NPRL2: variants seen among roughly 807,000 people sequenced by gnomAD.
NPRL2 encodes GATOR1 complex protein NPRL2.
A neutral mutation model predicts 51.1 loss-of-function variants in NPRL2; 21 were observed. The ratio of observed to expected loss-of-function variants is 0.41; its 90% confidence interval spans 0.29 to 0.59. NPRL2 has a LOEUF of 0.59. Among genes scored for constraint, NPRL2 ranks in the 20% least tolerant of loss-of-function variants. The pLI, the probability that NPRL2 is intolerant of heterozygous loss-of-function variation, is 0.29. For missense variants in NPRL2, 376 were observed against 483.4 expected, an observed-to-expected ratio of 0.78 and a Z score of 2.08; for synonymous variants, 175 against 187.8, an observed-to-expected ratio of 0.93 and a Z score of 0.56.
In NPRL2 at chr3:50,350,200, T is replaced by A; in HGVS notation, c.79-178A>T. ...AAACATACGCTATGATCTCACCTCC[T>A]TCCTGGCTTCTGCATATGCTGTTCC... On this transcript the variant is annotated intron_variant, in intron 1 of 10. Transcript: ENST00000232501. The surrounding 1 kb of genome is among the most constrained non-coding windows in gnomAD (Gnocchi z 5.7). 3.3e-6 allele frequency: 2 copies of A among 611,956 alleles called. No individual in the cohort carries two copies. Among genetic ancestry groups the A allele is most frequent in the Non-Finnish European group, 2.9e-6 (1 of 345,914 alleles). The allele number at this position is 611,956 out of a possible 1,614,324, so 37.9% of individuals were successfully genotyped here.
chr3:50,349,910 C>T lies in NPRL2; in HGVS notation c.170+21G>A. On this transcript the variant is annotated intron_variant, in intron 2 of 10. Coordinates refer to ENST00000232501, the MANE Select transcript of NPRL2 (RefSeq NM_006545.5). The surrounding 1 kb of genome is among the most constrained non-coding windows in gnomAD (Gnocchi z 4.6). The stretch of plus-strand genomic sequence containing the variant: ...GGGACAACCCCTGCCACCCACCGCT[C>T]ACCCCGAGCTAGGGTCTCACACAGT... The T allele has an allele frequency of 6.2e-7, 1 of 1,613,808 alleles. No individual in the cohort carries two copies. The highest frequency in any genetic ancestry group is 1.7e-5 in the Admixed American group (1 of 60,012).
At position 50,349,903 on chromosome 3, in the gene NPRL2, C is replaced by G; in HGVS notation, c.170+28G>C. ...TCCTCCTGGGACAACCCCTGCCACC[C>G]ACCGCTCACCCCGAGCTAGGGTCTC... On this transcript the variant is annotated intron_variant, in intron 2 of 10. Transcript: ENST00000232501. The surrounding 1 kb of genome is among the most constrained non-coding windows in gnomAD (Gnocchi z 4.6). 6.2e-7 allele frequency: 1 copy of G among 1,613,806 alleles called. No homozygotes were observed. Among genetic ancestry groups the G allele is most frequent in the Non-Finnish European group, 8.5e-7 (1 of 1,179,886 alleles).
At position 50,348,266 on chromosome 3, in the gene NPRL2, T is replaced by C. The variant is rs1412113818; in HGVS notation, c.815-25A>G. 1 of 1,613,822 alleles carries C rather than the reference T, an allele frequency of 6.2e-7. No individual in the cohort carries two copies. The highest frequency in any genetic ancestry group is 8.5e-7 in the Non-Finnish European group (1 of 1,179,892). On this transcript the variant is annotated intron_variant, in intron 8 of 10. Transcript: ENST00000232501. The surrounding 1 kb of genome is among the most constrained non-coding windows in gnomAD (Gnocchi z 5.8). ...CCTGTGGGTGCCAGGGATCAGCTCA[T>C]CATGTGGCCCTGCCCTCCCCAAGAT...
Position 50,349,669 on chromosome 3 carries a change from A to T in NPRL2, c.335T>A (p.Leu112Gln), listed in dbSNP as rs1382233406. 1 of 1,612,114 alleles carries T rather than the reference A, an allele frequency of 6.2e-7. No individual in the cohort carries two copies. The highest frequency in any genetic ancestry group is 8.5e-7 in the Non-Finnish European group (1 of 1,178,756). Residue 112 changes from leucine (L) to glutamine (Q), a missense_variant, in exon 3 of 11, where the codon CTA (leucine) becomes CAA (glutamine). Leu to Gln is a moderately radical substitution (Grantham distance 113). Transcript: ENST00000232501. The surrounding 1 kb of genome is among the most constrained non-coding windows in gnomAD (Gnocchi z 4.6). ...CAAGCCCATCTCATTGCAGACCTCT[A>T]GTGTGGTCAGATAGCCAGCCAGCTT... is the stretch of plus-strand genomic sequence containing the variant. The part of the protein sequence containing the change: ...VKKLAGYLTT[L>Q]ELESSFVSME...
In NPRL2 at chr3:50,347,399, CACCAGATGG is replaced by C; in HGVS notation, c.*198_*206del. Reference sequence around the variant, plus strand: ...TTATTTGTCGATTGTCGGTCCTGCCCACCAGATGGCGATCTAGCCCACGGCTCGTGGCTA... The same window carrying C: ...TTATTTGTCGATTGTCGGTCCTGCCCCGATCTAGCCCACGGCTCGTGGCTA... On this transcript the variant is annotated 3_prime_UTR_variant, in exon 11 of 11. Transcript: ENST00000232501. 1 of 429,656 alleles carries C rather than the reference CACCAGATGG, an allele frequency of 2.3e-6. No homozygotes were observed. Among genetic ancestry groups the C allele is most frequent in the South Asian group, 4.3e-5 (1 of 23,088 alleles). 26.6% of individuals were successfully genotyped at this position (429,656 alleles called of 1,614,324 possible).
Position 50,350,453 on chromosome 3 carries a change from C to T in NPRL2, c.78+122G>A. ...TGGGTCTGACTATCCTCTAGCCTCA[C>T]AGTTGTCTGCGAATGAAGCAGCATG... On this transcript the variant is annotated intron_variant, in intron 1 of 10. Coordinates refer to ENST00000232501, the MANE Select transcript of NPRL2 (RefSeq NM_006545.5). This position sits in a 1 kb window ranked among gnomAD's most constrained non-coding sequence, Gnocchi z 5.7. 1 of 1,052,082 alleles carries T rather than the reference C, an allele frequency of 9.5e-7. No homozygotes were observed. Among genetic ancestry groups the T allele is most frequent in the African/African-American group, 1.6e-5 (1 of 63,362 alleles). 65.2% of individuals were successfully genotyped at this position (1,052,082 alleles called of 1,614,324 possible).
Position 50,349,320 on chromosome 3 carries a change from A to T in NPRL2, c.448+66T>A. 1 of 1,391,316 alleles carries T rather than the reference A, an allele frequency of 7.2e-7. No homozygotes were observed. Among genetic ancestry groups the T allele is most frequent in the Non-Finnish European group, 1.0e-6 (1 of 982,154 alleles). 86.2% of individuals were successfully genotyped at this position (1,391,316 alleles called of 1,614,324 possible). ...TTCATGAGTCTTGCCCTTCTCCCTG[A>T]CTAGCTGGGTTCACTTTCCCATCTC... On this transcript the variant is annotated intron_variant, in intron 4 of 10. Transcript: ENST00000232501. The surrounding 1 kb of genome is among the most constrained non-coding windows in gnomAD (Gnocchi z 4.6).
rs1462956773 is a variant in NPRL2, at chr3:50,347,663, G to T, written c.1086C>A (p.Tyr362Ter). 6 of 1,613,974 alleles carry T rather than the reference G, an allele frequency of 3.7e-6. No homozygotes were observed. ...TTTCAAGCCGCTCATCCAGCTCATG[G>T]TAGCTCATGCCTGGGTGGGGTGGTG... ...DEICCKTGMS[Y>*]HELDERLEND... is the part of the protein sequence containing the mutation. The change falls in exon 11 of 11, where the codon TAC becomes TAA. Residue 362 changes from tyrosine (Y) to a stop codon, truncating the protein, a stop_gained. Transcript: ENST00000232501. LOFTEE classifies it high-confidence loss of function.
rs1559856698 is a variant in NPRL2 at position 50,348,936 on chromosome 3, G to A, written c.523C>T (p.Pro175Ser). ...TCCTCCTTGTCTTTGGTAAAGACAGGTACATCATACTCCTGGGCCACCGGA... is the reference window on the plus strand; with the variant it reads ...TCCTCCTTGTCTTTGGTAAAGACAGATACATCATACTCCTGGGCCACCGGA... ...DPPVAQEYDVPVFTKDKEDFF... is the reference protein window; with the variant it reads ...DPPVAQEYDVSVFTKDKEDFF... Residue 175 changes from proline (P) to serine (S), a missense_variant, in exon 5 of 11, where the codon CCT (proline) becomes TCT (serine). Physicochemically the swap from Pro to Ser is moderately conservative, Grantham distance 74 (BLOSUM62 -1). Transcript: ENST00000232501. This position sits in a 1 kb window ranked among gnomAD's most constrained non-coding sequence, Gnocchi z 5.8. The A allele has an allele frequency of 6.2e-7, 1 of 1,614,048 alleles. No homozygotes were observed. Among genetic ancestry groups the A allele is most frequent in the South Asian group, 1.1e-5 (1 of 91,082 alleles).
chr3:50,350,169 G>A lies in NPRL2; in HGVS notation c.79-147C>T. 1 of 655,174 alleles carries A rather than the reference G, an allele frequency of 1.5e-6. No individual in the cohort carries two copies. The highest frequency in any genetic ancestry group is 2.7e-5 in the East Asian group (1 of 37,512). The allele number at this position is 655,174 out of a possible 1,614,324, so 40.6% of individuals were successfully genotyped here. A position where few individuals can be genotyped will look rare whatever the true frequency, so the allele number is the denominator to read the frequency against. On this transcript the variant is annotated intron_variant, in intron 1 of 10. Transcript: ENST00000232501. This position sits in a 1 kb window ranked among gnomAD's most constrained non-coding sequence, Gnocchi z 5.7. ...CCACTCAGGCCTATTACTTCTTTCT[G>A]TTTCCAAACATACGCTATGATCTCA...
In NPRL2 at chr3:50,347,577, G is replaced by A. The variant is rs1703596076; in HGVS notation, c.*29C>T. On this transcript the variant is annotated 3_prime_UTR_variant, in exon 11 of 11. Transcript: ENST00000232501. ...CTCCTAGTAGGAGGGACTACCCACA[G>A]CAATGTGTCCATCCAGTCACTACCA... 6.2e-7 allele frequency: 1 copy of A among 1,613,506 alleles called. No individual in the cohort carries two copies.
chr3:50,348,819 G>A lies in NPRL2; in HGVS notation c.586-37C>T, dbSNP rs759825651. The A allele has an allele frequency of 6.2e-7, 1 of 1,614,024 alleles. No individual in the cohort carries two copies. Among genetic ancestry groups the A allele is most frequent in the East Asian group, 2.2e-5 (1 of 44,882 alleles). ...GGGACAAGGTCAGAAGAAACAGGAT[G>A]AGGCCAGGGCTGTGGCCAGCCCCAG... is the stretch of plus-strand genomic sequence containing the variant. On this transcript the variant is annotated intron_variant, in intron 5 of 10. Coordinates refer to ENST00000232501, the MANE Select transcript of NPRL2 (RefSeq NM_006545.5). This position sits in a 1 kb window ranked among gnomAD's most constrained non-coding sequence, Gnocchi z 5.8.
chr3:50,349,214 A>AC lies in NPRL2; in HGVS notation c.448+171dup. The AC allele has an allele frequency of 3.6e-6, 3 of 829,964 alleles. No individual in the cohort carries two copies. Among genetic ancestry groups the AC allele is most frequent in the South Asian group, 1.7e-5 (1 of 59,148 alleles). 51.4% of individuals were successfully genotyped at this position (829,964 alleles called of 1,614,324 possible). A position where few individuals can be genotyped will look rare whatever the true frequency, so the allele number is the denominator to read the frequency against. ...AGCTGGAGAGCTCTGCTTTCCCCCT[A>AC]CCCCCAGTCCCAGCTCCATCATGCA... On this transcript the variant is annotated intron_variant, in intron 4 of 10. Transcript: ENST00000232501. The surrounding 1 kb of genome is among the most constrained non-coding windows in gnomAD (Gnocchi z 4.6).
In NPRL2 at chr3:50,347,485, A is replaced by G; in HGVS notation, c.*121T>C. Reference sequence around the variant, plus strand: ...GCTGGCCCAGAAACAGCACTCAATAAAGGCTGTTTGAAATGGATGTCTTTA... The same window carrying G: ...GCTGGCCCAGAAACAGCACTCAATAGAGGCTGTTTGAAATGGATGTCTTTA... On this transcript the variant is annotated 3_prime_UTR_variant, in exon 11 of 11. Coordinates refer to ENST00000232501, the MANE Select transcript of NPRL2 (RefSeq NM_006545.5). 7.7e-7 allele frequency: 1 copy of G among 1,302,674 alleles called. No homozygotes were observed. The highest frequency in any genetic ancestry group is 1.1e-6 in the Non-Finnish European group (1 of 915,940). The allele number at this position is 1,302,674 out of a possible 1,614,324, so 80.7% of individuals were successfully genotyped here. A position where few individuals can be genotyped will look rare whatever the true frequency, so the allele number is the denominator to read the frequency against.
Position 50,347,462 on chromosome 3 carries a change from T to C in NPRL2, c.*144A>G. On this transcript the variant is annotated 3_prime_UTR_variant, in exon 11 of 11. Coordinates refer to ENST00000232501, the MANE Select transcript of NPRL2 (RefSeq NM_006545.5). ...CATTCACTGCTGGGTCTCCCACGGC[T>C]GGCCCAGAAACAGCACTCAATAAAG... 1.0e-6 allele frequency: 1 copy of C among 973,042 alleles called. No individual in the cohort carries two copies. The highest frequency in any genetic ancestry group is 2.8e-5 in the East Asian group (1 of 35,324). 60.3% of individuals were successfully genotyped at this position (973,042 alleles called of 1,614,324 possible). A position where few individuals can be genotyped will look rare whatever the true frequency, so the allele number is the denominator to read the frequency against.
rs587709568 is a variant in NPRL2, at chr3:50,347,628, T to C, written c.1121A>G (p.Asn374Ser). ...GCCTCACTTCCAGCAGATGATGATGTTGGGGTCATTTTCAAGCCGCTCATC... is the reference window on the plus strand; with the variant it reads ...GCCTCACTTCCAGCAGATGATGATGCTGGGGTCATTTTCAAGCCGCTCATC... ...ELDERLENDP[N>S]IIICWK Residue 374 changes from asparagine (N) to serine (S), a missense_variant, in exon 11 of 11, where the codon AAC (asparagine) becomes AGC (serine). Physicochemically the swap from Asn to Ser is conservative, Grantham distance 46 (BLOSUM62 1). Coordinates refer to ENST00000232501, the MANE Select transcript of NPRL2 (RefSeq NM_006545.5). 6.2e-6 allele frequency: 10 copies of C among 1,613,986 alleles called. No homozygotes were observed. The highest frequency in any genetic ancestry group is 5.3e-5 in the African/African-American group (4 of 75,014).
At position 50,347,568 on chromosome 3, in the gene NPRL2, C is replaced by G. The variant is rs371364997; in HGVS notation, c.*38G>C. 6.2e-7 allele frequency: 1 copy of G among 1,612,658 alleles called. No individual in the cohort carries two copies. The highest frequency in any genetic ancestry group is 8.5e-7 in the Non-Finnish European group (1 of 1,178,840). Reference sequence around the variant, plus strand: ...ATGACAAGCCTCCTAGTAGGAGGGACTACCCACAGCAATGTGTCCATCCAG... The same window carrying G: ...ATGACAAGCCTCCTAGTAGGAGGGAGTACCCACAGCAATGTGTCCATCCAG... On this transcript the variant is annotated 3_prime_UTR_variant, in exon 11 of 11. Coordinates refer to ENST00000232501, the MANE Select transcript of NPRL2 (RefSeq NM_006545.5).
Position 50,348,101 on chromosome 3 carries a change from GC to G in NPRL2, c.932+22del, listed in dbSNP as rs1703620692. ...AGCTTCCCTCAGGTAACTCCCAAAT[GC>G]CCCAGCAAATTCTCCTCTGACCGTT... On this transcript the variant is annotated intron_variant, in intron 9 of 10. Coordinates refer to ENST00000232501, the MANE Select transcript of NPRL2 (RefSeq NM_006545.5). The surrounding 1 kb of genome is among the most constrained non-coding windows in gnomAD (Gnocchi z 5.8). 1.2e-6 allele frequency: 2 copies of G among 1,611,774 alleles called. No individual in the cohort carries two copies. The highest frequency in any genetic ancestry group is 2.7e-5 in the African/African-American group (2 of 74,868).
Position 50,347,356 on chromosome 3 carries a change from T to TG in NPRL2, c.*249dup, listed in dbSNP as rs1703585389. On this transcript the variant is annotated 3_prime_UTR_variant, in exon 11 of 11. Coordinates refer to ENST00000232501, the MANE Select transcript of NPRL2 (RefSeq NM_006545.5). Reference sequence around the variant, plus strand: ...TTTTTTTTTTTTTTTTTTTTTTTTTTGTAATTAACCGGCACTTTTATTTGT... The same window carrying TG: ...TTTTTTTTTTTTTTTTTTTTTTTTTTGGTAATTAACCGGCACTTTTATTTGT... The TG allele has an allele frequency of 1.1e-5, 2 of 181,536 alleles. No homozygotes were observed. Among genetic ancestry groups the TG allele is most frequent in the Non-Finnish European group, 2.2e-5 (2 of 90,742 alleles). The allele number at this position is 181,536 out of a possible 1,614,324, so 11.2% of individuals were successfully genotyped here.
Sources: gnomAD v4.1 joint callset for allele counts on GRCh38, gnomAD v4.1.1 for gene constraint, Gnocchi (gnomAD v3.1) non-coding constraint, MANE v1.5 for transcripts, NCBI Gene and HGNC (gene_info 2026-07-23, HGNC 2026-07-21) for gene names.